GNB4: variants seen among roughly 807,000 people sequenced by gnomAD.
GNB4 encodes the protein guanine nucleotide-binding protein subunit beta-4.
In GNB4, 28 loss-of-function variants were observed where a neutral mutation model predicts 45.2. That is an observed-to-expected ratio of 0.62 (90% CI 0.46 to 0.85). The LOEUF is 0.85. Ranked by LOEUF, GNB4 falls within the 40% of genes least tolerant of loss-of-function variation. The pLI, the probability that GNB4 is intolerant of heterozygous loss-of-function variation, is 0.00. For synonymous variants in GNB4, 132 were observed against 143.7 expected, an observed-to-expected ratio of 0.92 and a Z score of 0.58; for missense variants, 321 against 425.4, an observed-to-expected ratio of 0.75 and a Z score of 2.16.
intron 2 of GNB4, among the ~76,000 whole-genome samples, chr3:179,422,207 A>G (rs1314822075): frequency 6.6e-6 from 1 of 152,220 alleles, no homozygotes; most frequent in Non-Finnish European, 1.5e-5. Context: ...AACAAAAATT[A>G]AAATATTATG....
At chr3:179,403,805 T>TA (rs1553850323) in intron 9 of GNB4, among the ~76,000 whole-genome samples, 1 of 141,916 alleles carries the variant, frequency 7.0e-6, no homozygotes, top group Non-Finnish European at 1.6e-5. Context: ...CTCAAAAAAA[T>TA]AAAATAAAAT....
At chr3:179,407,781 C>A (rs1714516445) in intron 8 of GNB4, among the ~76,000 whole-genome samples, 1 of 152,030 alleles carries the variant, frequency 6.6e-6, no homozygotes. Flanking sequence ...GCAAAAGACA[C>A]CCAAAAAGAT....
chr3:179,448,843 C>CT (rs1715801834), intron 1 of GNB4, among the ~76,000 whole-genome samples: 1 of 152,138 alleles, frequency 6.6e-6, no homozygotes, highest in Non-Finnish European at 1.5e-5. Flanking sequence ...CTTTGGGAGG[C>CT]TGAGGTGGGT....
chr3:179,426,655 A>G (rs548429244), intron 1 of GNB4, among the ~76,000 whole-genome samples: 1 of 151,988 alleles, frequency 6.6e-6, no homozygotes, highest in Non-Finnish European at 1.5e-5. Context: ...CGGCAAGACC[A>G]TCCTTACTTA....
the GNB4 span, among the ~76,000 whole-genome samples, chr3:179,461,183 G>A: frequency 6.6e-6 from 1 of 152,144 alleles, no homozygotes; most frequent in Non-Finnish European, 1.5e-5. Flanking sequence ...ACTGGACATG[G>A]CAACTGCCGC....
chr3:179,426,760 AATT>A (rs1261178867), intron 1 of GNB4, among the ~76,000 whole-genome samples: 1 of 152,112 alleles, frequency 6.6e-6, no homozygotes, highest in East Asian at 1.9e-4. Context: ...TTCCTTAAGA[AATT>A]ATCCAGGTTC....
chr3:179,405,584 T>A, intron 8 of GNB4, 178 bp from the exon 9 acceptor site: 1 of 567,402 alleles, frequency 1.8e-6, no homozygotes, highest in East Asian at 2.8e-5. Flanking sequence ...AAGTGGTGAT[T>A]AAGACTGAAT....
chr3:179,479,403 A>G, the GNB4 span, among the ~76,000 whole-genome samples: 1 of 152,224 alleles, frequency 6.6e-6, no homozygotes, highest in South Asian at 2.1e-4. Flanking sequence ...ACTTGTATTT[A>G]TCTCTTACAG....
At chr3:179,468,031 T>TTAAAAAAAAAAA in the GNB4 span, among the ~76,000 whole-genome samples, 180 of 67,240 alleles carry the variant, frequency 2.7e-3, 6 homozygotes, top group African/African-American at 8.9e-3. Context: ...ATTTTGTTGA[T>TTAAAAAAAAAAA]AAAAATATAT....
chr3:179,484,153 A>G, the GNB4 span, among the ~76,000 whole-genome samples: 6 of 152,366 alleles, frequency 3.9e-5, no homozygotes, highest in Non-Finnish European at 7.3e-5. Flanking sequence ...TATCAATAGT[A>G]TTCTTCAATT....
the GNB4 span, among the ~76,000 whole-genome samples, chr3:179,479,600 C>G: frequency 1.3e-5 from 2 of 151,802 alleles, no homozygotes; most frequent in Non-Finnish European, 2.9e-5. Context: ...AACACATGTA[C>G]ACACACACAC....
At chr3:179,469,450 G>T in the GNB4 span, among the ~76,000 whole-genome samples, 3 of 152,004 alleles carry the variant, frequency 2.0e-5, no homozygotes, top group Non-Finnish European at 4.4e-5. Context: ...AAAATAGGAG[G>T]GGCCTGCACA....
the GNB4 span, among the ~76,000 whole-genome samples, chr3:179,499,155 C>CT: frequency 3.9e-3 from 433 of 111,490 alleles, 4 homozygotes; most frequent in South Asian, 0.015. Flanking sequence ...GCCACATTTT[C>CT]TTTTTTTTTT....
chr3:179,476,888 T>C, the GNB4 span, among the ~76,000 whole-genome samples: 1 of 152,142 alleles, frequency 6.6e-6, no homozygotes, highest in Middle Eastern at 3.2e-3. Context: ...AATTCTCTTT[T>C]AATTATAAAT....
In GNB4 at chr3:179,419,504, A is replaced by G; in HGVS notation, c.98T>C (p.Ile33Thr). ...KACNDATLVQ[I>T]TSNMDSVGRI... is the part of the protein sequence containing the mutation. Reference sequence around the variant, plus strand: ...ACCCACAGAGTCCATATTTGATGTAATCTTTTGAAAGCAACAAAAATGTTA... The same window carrying G: ...ACCCACAGAGTCCATATTTGATGTAGTCTTTTGAAAGCAACAAAAATGTTA... The change falls in exon 4 of 10, where the codon ATT (isoleucine) becomes ACT (threonine). Residue 33 changes from isoleucine (I) to threonine (T), a missense_variant and splice_region_variant. Transcript: ENST00000232564. 1 of 1,570,378 alleles carries G rather than the reference A, an allele frequency of 6.4e-7. No homozygotes were observed. The highest frequency in any genetic ancestry group is 8.8e-7 in the Non-Finnish European group (1 of 1,140,392).
intron 2 of GNB4, among the ~76,000 whole-genome samples, 175 bp downstream of exon 2, chr3:179,425,969 C>A (rs989814527): frequency 3.3e-5 from 5 of 152,198 alleles, no homozygotes; most frequent in African/African-American, 1.2e-4. Context: ...TTGAAGAGTT[C>A]TTTCGAGACA....
intron 1 of GNB4, among the ~76,000 whole-genome samples, chr3:179,427,438 C>A (rs1715179357): frequency 6.6e-6 from 1 of 151,860 alleles, no homozygotes; most frequent in Non-Finnish European, 1.5e-5. Flanking sequence ...AACCTCATCT[C>A]TACCAAAATT....
the GNB4 span, among the ~76,000 whole-genome samples, chr3:179,470,025 C>T: frequency 4.6e-5 from 7 of 152,104 alleles, no homozygotes; most frequent in Non-Finnish European, 1.0e-4. Context: ...CTCCTATCAC[C>T]CAGTGACATG....
At chr3:179,513,677 T>G in the GNB4 span, among the ~76,000 whole-genome samples, 36 of 152,194 alleles carry the variant, frequency 2.4e-4, no homozygotes, top group Admixed American at 2.4e-3. Context: ...TGAAGTATAA[T>G]AGCCATGCTT....
Sources: gnomAD v4.1 joint callset for allele counts (sites outside exome capture counted in the v4.1 genomes callset) on GRCh38, gnomAD v4.1.1 for gene constraint, MANE v1.5 for transcripts, NCBI Gene and HGNC (gene_info 2026-07-23, HGNC 2026-07-21) for gene names.